The following PDE1C variants were observed in gnomAD, a reference collection of about 807,000 sequenced individuals.
PDE1C encodes the protein dual specificity calcium/calmodulin-dependent 3',5'-cyclic nucleotide phosphodiesterase 1C.
In PDE1C, 62 loss-of-function variants were observed where a neutral mutation model predicts 93.1. The observed-to-expected ratio is 0.67, with a 90% CI of 0.54 to 0.82. The LOEUF is 0.82. PDE1C is among the 40% of genes least tolerant of loss of function. The pLI is 0.00. For synonymous variants in PDE1C, 325 were observed against 310.1 expected, an observed-to-expected ratio of 1.05 and a Z score of -0.50; for missense variants, 742 against 884.6, an observed-to-expected ratio of 0.84 and a Z score of 2.04.
At chr7:31,985,335 C>T (rs1783235433) in intron 2 of PDE1C, among the ~76,000 whole-genome samples, 1 of 151,804 alleles carries the variant, frequency 6.6e-6, no homozygotes, top group African/African-American at 2.4e-5. Flanking sequence ...TATGATTGGC[C>T]CCCAAAAAGT....
intron 2 of PDE1C, among the ~76,000 whole-genome samples, chr7:32,037,575 G>A (rs1791276221): frequency 6.6e-6 from 1 of 152,126 alleles, no homozygotes; most frequent in African/African-American, 2.4e-5. Flanking sequence ...AGCCTCAGGT[G>A]TCATCTACAG....
chr7:31,873,487 C>T (rs1412088401), intron 5 of PDE1C, 79 bp from the exon 6 acceptor site: 29 of 814,816 alleles, frequency 3.6e-5, no homozygotes, highest in Admixed American at 2.8e-4. Context: ...CTTTCAAGTC[C>T]GCCTGCAGCC....
intron 1 of PDE1C, among the ~76,000 whole-genome samples, chr7:32,411,621 A>G (rs1430489059): frequency 6.6e-6 from 1 of 152,204 alleles, no homozygotes. Context: ...AAGGCCTGGG[A>G]CATTACTGTA....
At chr7:31,853,204 A>C (rs1305911178) in intron 7 of PDE1C, among the ~76,000 whole-genome samples, 1 of 152,214 alleles carries the variant, frequency 6.6e-6, no homozygotes, top group Non-Finnish European at 1.5e-5. Flanking sequence ...TGAATGGTTA[A>C]ACAGGCATTC....
intron 16 of PDE1C, chr7:31,789,835 T>TG: frequency 9.9e-7 from 1 of 1,006,780 alleles, no homozygotes; most frequent in Non-Finnish European, 1.2e-6. Flanking sequence ...AGTCATAAAA[T>TG]GGCAATTACT....
intron 8 of PDE1C, among the ~76,000 whole-genome samples, chr7:31,849,119 C>T (rs1793003301): frequency 6.6e-6 from 1 of 152,126 alleles, no homozygotes; most frequent in Admixed American, 6.6e-5. Flanking sequence ...CATTCAAATC[C>T]CGAGGTGAAA....
chr7:31,928,939 A>C (rs774141728), intron 2 of PDE1C, among the ~76,000 whole-genome samples: 23 of 152,212 alleles, frequency 1.5e-4, no homozygotes, highest in Non-Finnish European at 2.9e-4. Flanking sequence ...CAACAATATT[A>C]ACCTTAAATG....
At chr7:32,204,021 CT>C (rs1241805802) in intron 2 of PDE1C, among the ~76,000 whole-genome samples, 1 of 152,168 alleles carries the variant, frequency 6.6e-6, no homozygotes, top group Non-Finnish European at 1.5e-5. Flanking sequence ...CATCAGTACT[CT>C]TGCACTTTTT....
chr7:32,326,113 G>A (rs1335869176), intron 1 of PDE1C, among the ~76,000 whole-genome samples: 1 of 152,028 alleles, frequency 6.6e-6, no homozygotes, highest in Non-Finnish European at 1.5e-5. Context: ...AAGAAGGATG[G>A]ACTTGCCAAA....
At chr7:31,830,125 A>T (rs965680435) in intron 11 of PDE1C, among the ~76,000 whole-genome samples, 1 of 151,378 alleles carries the variant, frequency 6.6e-6, no homozygotes, top group Admixed American at 6.6e-5. Flanking sequence ...AGCTGTGTAG[A>T]CTCGACTAAT....
At chr7:31,970,345 C>A (rs972543804) in intron 2 of PDE1C, among the ~76,000 whole-genome samples, 2 of 152,056 alleles carry the variant, frequency 1.3e-5, no homozygotes, top group African/African-American at 2.4e-5. Flanking sequence ...AATTCTAATA[C>A]TTTAACTTCT....
At chr7:32,200,368 C>T (rs1298799534) in intron 2 of PDE1C, among the ~76,000 whole-genome samples, 3 of 152,146 alleles carry the variant, frequency 2.0e-5, no homozygotes, top group African/African-American at 7.2e-5. Context: ...ATTTCTTAGG[C>T]TCAAAGTGTT....
rs572734131 is a variant in PDE1C at position 31,987,947 on chromosome 7, A to T, written c.128+63607T>A. 2.0e-5 allele frequency among the ~76,000 whole-genome samples: 3 copies of T among 152,302 alleles called. No individual in the cohort carries two copies. In the East Asian group the frequency reaches 5.8e-4, roughly 29 times the overall value. Reference sequence around the variant, plus strand: ...GCCTGGGGGTGACTGTGGATGGGCCATCGCTGGCTCTCTGGCCCTCTGGCT... The same window carrying T: ...GCCTGGGGGTGACTGTGGATGGGCCTTCGCTGGCTCTCTGGCCCTCTGGCT... On this transcript the variant is annotated intron_variant, in intron 2 of 17. Coordinates refer to ENST00000396191, the MANE Select transcript of PDE1C (RefSeq NM_001191057.4).
chr7:32,362,261 G>A (rs955006064), intron 1 of PDE1C, among the ~76,000 whole-genome samples: 19 of 152,094 alleles, frequency 1.2e-4, no homozygotes, highest in African/African-American at 4.6e-4. Context: ...ACATGTGTGG[G>A]TGTGGGTGTA....
intron 9 of PDE1C, among the ~76,000 whole-genome samples, chr7:31,846,106 G>A (rs907740822): frequency 6.6e-6 from 1 of 152,066 alleles, no homozygotes; most frequent in African/African-American, 2.4e-5. Context: ...TATTTAGATC[G>A]TGTATAATCC....
Position 32,178,466 on chromosome 7 carries a change from G to A in PDE1C, c.137-8510C>T, listed in dbSNP as rs137917232. Among the ~76,000 whole-genome samples, 286 of 152,336 alleles carry A rather than the reference G, an allele frequency of 1.9e-3. 3 individuals carry two copies. In the East Asian group the frequency reaches 0.029, roughly 15 times the overall value. On this transcript the variant is annotated intron_variant, in intron 2 of 18. Transcript: ENST00000396193. ...TATTTTAAGCTGATGTTGAAAGCAT[G>A]AAATGTTTCTGACTAAATAGAGCCA...
At chr7:32,344,233 C>G (rs1562683570) in intron 1 of PDE1C, among the ~76,000 whole-genome samples, 1 of 152,008 alleles carries the variant, frequency 6.6e-6, no homozygotes, top group Non-Finnish European at 1.5e-5. Flanking sequence ...GCTACCACAC[C>G]CAGCTAATTT....
chr7:31,731,251 A>G, the PDE1C span, among the ~76,000 whole-genome samples: 3 of 152,114 alleles, frequency 2.0e-5, no homozygotes, highest in African/African-American at 7.2e-5. Context: ...AGGAACCCGC[A>G]GGACCCGTGT....
chr7:32,391,851 A>C (rs1174602390), intron 1 of PDE1C, among the ~76,000 whole-genome samples: 2 of 152,070 alleles, frequency 1.3e-5, no homozygotes, highest in Admixed American at 6.6e-5. Flanking sequence ...TGCTTAGAGG[A>C]AAATGTATAG....
Sources: gnomAD v4.1 joint callset for allele counts (sites outside exome capture counted in the v4.1 genomes callset) on GRCh38, gnomAD v4.1.1 for gene constraint, MANE v1.5 for transcripts, NCBI Gene and HGNC (gene_info 2026-07-23, HGNC 2026-07-21) for gene names.